CDH13: variants seen among roughly 807,000 people sequenced by gnomAD.
CDH13 encodes cadherin-13.
A neutral mutation model predicts 63.8 loss-of-function variants in CDH13; 24 were observed. That is an observed-to-expected ratio of 0.38 (90% CI 0.27 to 0.53). The LOEUF is 0.53. CDH13 is among the 20% of genes least tolerant of loss of function. The probability of loss-of-function intolerance (pLI) is 0.85; values close to 1 mark genes in which losing one functional copy is unlikely to be tolerated. For synonymous variants in CDH13, 503 were observed against 355.3 expected (o/e 1.42, Z -4.67); for missense variants, 1,049 against 903.1 (o/e 1.16, Z -2.07).
intron 3 of CDH13, among the ~76,000 whole-genome samples, chr16:83,043,723 G>T (rs943599310): frequency 6.6e-6 from 1 of 151,876 alleles, no homozygotes; most frequent in African/African-American, 2.4e-5. Context: ...GCTGGGCATG[G>T]TGGTGCATGC....
At chr16:83,766,219 G>A (rs1914375986) in intron 11 of CDH13, among the ~76,000 whole-genome samples, 1 of 152,082 alleles carries the variant, frequency 6.6e-6, no homozygotes, top group Non-Finnish European at 1.5e-5. Context: ...GGTTAGATTA[G>A]GAAGGATTTG....
At chr16:83,694,170 G>A (rs1248080568) in intron 10 of CDH13, among the ~76,000 whole-genome samples, 2 of 152,194 alleles carry the variant, frequency 1.3e-5, no homozygotes, top group Non-Finnish European at 2.9e-5. Context: ...TAGAACTCAA[G>A]GGGAGGGAAG....
At chr16:83,030,114 A>C (rs1916167157) in intron 2 of CDH13, among the ~76,000 whole-genome samples, 1 of 152,110 alleles carries the variant, frequency 6.6e-6, no homozygotes, top group South Asian at 2.1e-4. Flanking sequence ...CCATTTGTTC[A>C]TGCAGGGGGC....
chr16:83,361,259 G>T (rs1400749621), intron 6 of CDH13, among the ~76,000 whole-genome samples: 1 of 152,072 alleles, frequency 6.6e-6, no homozygotes, highest in African/African-American at 2.4e-5. Context: ...TCATGCCTTT[G>T]CCCACATTTT....
intron 10 of CDH13, among the ~76,000 whole-genome samples, chr16:83,698,189 C>T (rs1218188681): frequency 6.6e-6 from 1 of 152,204 alleles, no homozygotes; most frequent in African/African-American, 2.4e-5. Context: ...CTGTACAGGA[C>T]TGTAGTGTGT....
chr16:83,737,136 G>A (rs1911614507), intron 10 of CDH13, among the ~76,000 whole-genome samples: 2 of 152,158 alleles, frequency 1.3e-5, no homozygotes, highest in African/African-American at 4.8e-5. Flanking sequence ...ACAATCAGTG[G>A]CACCTAGCTG....
intron 4 of CDH13, among the ~76,000 whole-genome samples, chr16:83,208,410 A>C (rs2039242806): frequency 6.6e-6 from 1 of 152,214 alleles, no homozygotes; most frequent in Non-Finnish European, 1.5e-5. Flanking sequence ...ATTACCTTAC[A>C]GAAGCAATCT....
chr16:83,662,462 A>G (rs1913524503), intron 8 of CDH13, among the ~76,000 whole-genome samples: 2 of 152,198 alleles, frequency 1.3e-5, no homozygotes, highest in African/African-American at 2.4e-5. Context: ...CTTAAAAAGA[A>G]TCTCTGTGTT....
At chr16:83,314,566 AT>A (rs201644589) in intron 5 of CDH13, among the ~76,000 whole-genome samples, 9 of 151,972 alleles carry the variant, frequency 5.9e-5, no homozygotes, top group Non-Finnish European at 1.0e-4. Flanking sequence ...TTAAAAAAAA[AT>A]ACGGTATTTT....
At chr16:83,665,377 A>C (rs1022015719) in intron 8 of CDH13, among the ~76,000 whole-genome samples, 1 of 152,228 alleles carries the variant, frequency 6.6e-6, no homozygotes, top group Admixed American at 6.5e-5. Flanking sequence ...CTTGTTATAC[A>C]TATGCCAGGC....
intron 7 of CDH13, among the ~76,000 whole-genome samples, chr16:83,585,064 A>C (rs7203509): frequency 0.012 from 1,849 of 152,188 alleles, 41 homozygotes; most frequent in African/African-American, 0.042. Context: ...TTTGGTGGGG[A>C]CACATATCCA....
At chr16:83,722,853 C>T (rs1870053379) in intron 10 of CDH13, among the ~76,000 whole-genome samples, 1 of 152,190 alleles carries the variant, frequency 6.6e-6, no homozygotes, top group African/African-American at 2.4e-5. Flanking sequence ...TCATATTTCT[C>T]CCAGTCTTTA....
chr16:82,769,671 T>C (rs1454463705), intron 1 of CDH13, among the ~76,000 whole-genome samples: 1 of 152,252 alleles, frequency 6.6e-6, no homozygotes, highest in East Asian at 1.9e-4. Flanking sequence ...AGCAATTCCA[T>C]GATGCCCTAG....
intron 8 of CDH13, among the ~76,000 whole-genome samples, chr16:83,647,453 C>T (rs147952481): frequency 6.6e-6 from 1 of 152,222 alleles, no homozygotes; most frequent in East Asian, 1.9e-4. Flanking sequence ...GCTTGTGCTT[C>T]CATAGCAATG....
chr16:83,068,367 G>T (rs558044548), intron 3 of CDH13, among the ~76,000 whole-genome samples: 1 of 152,218 alleles, frequency 6.6e-6, no homozygotes, highest in African/African-American at 2.4e-5. Context: ...ATTGCTGCTT[G>T]GCTATTAAGT....
At chr16:82,712,828 C>T (rs58880569) in intron 1 of CDH13, among the ~76,000 whole-genome samples, 3,111 of 152,244 alleles carry the variant, frequency 0.02, 111 homozygotes, top group African/African-American at 0.072. Flanking sequence ...CTTTTCTCCA[C>T]CATCAGCTTC....
chr16:82,939,537 C>G, intron 2 of CDH13, among the ~76,000 whole-genome samples: 1 of 152,028 alleles, frequency 6.6e-6, no homozygotes, highest in Non-Finnish European at 1.5e-5. Context: ...TACGCACATA[C>G]CTAAAGCGAA....
chr16:83,392,306 G>A (rs968771188), intron 6 of CDH13, among the ~76,000 whole-genome samples: 2 of 152,086 alleles, frequency 1.3e-5, no homozygotes, highest in African/African-American at 4.8e-5. Flanking sequence ...CCTCCTTAGC[G>A]CCGTGCCTCA....
intron 3 of CDH13, among the ~76,000 whole-genome samples, chr16:83,046,333 G>T (rs1224142679): frequency 6.6e-6 from 1 of 152,032 alleles, no homozygotes; most frequent in Non-Finnish European, 1.5e-5. Context: ...TTGTATGTAG[G>T]CGGCCATCAA....
Sources: gnomAD v4.1 joint callset for allele counts (sites outside exome capture counted in the v4.1 genomes callset) on GRCh38, gnomAD v4.1.1 for gene constraint, MANE v1.5 for transcripts, NCBI Gene and HGNC (gene_info 2026-07-23, HGNC 2026-07-21) for gene names.